Variants in COL14A1 observed in about 807,000 individuals in gnomAD.
COL14A1 encodes collagen alpha-1(XIV) chain.
Under a neutral mutation model 230.3 loss-of-function variants are expected in COL14A1, and 136 were observed. The observed-to-expected ratio is 0.59, with a 90% CI of 0.51 to 0.68. The LOEUF is 0.68. COL14A1 is among the 30% of genes least tolerant of loss of function. COL14A1 has a pLI of 0.00. For synonymous variants in COL14A1, 792 were observed against 784.1 expected (o/e 1.01, Z -0.17); for missense variants, 1,976 against 2,215.8 (o/e 0.89, Z 2.17).
At chr8:120,364,360 T>C (rs1823329804) in intron 45 of COL14A1, among the ~76,000 whole-genome samples, 1 of 152,172 alleles carries the variant, frequency 6.6e-6, no homozygotes, top group Non-Finnish European at 1.5e-5. Flanking sequence ...TATATCCAGA[T>C]CTATTTTTAG....
chr8:120,285,867 G>T lies in COL14A1; in HGVS notation c.3974G>T (p.Gly1325Val). 6.3e-7 allele frequency: 1 copy of T among 1,578,722 alleles called. No individual in the cohort carries two copies. The highest frequency in any genetic ancestry group is 8.6e-7 in the Non-Finnish European group (1 of 1,159,234). ...TTTATTTTTCTTTCAATAGATGGTG[G>T]GAAAACTCTAACATATTTCAACTAT... ...PLVGVILDNG[G>V]KTLTYFNYDQ... Residue 1325 changes from glycine to valine, a missense_variant, in exon 33 of 48, where the codon GGG (glycine) becomes GTG (valine). Transcript: ENST00000297848.
chr8:120,147,720 A>T lies in COL14A1; in HGVS notation c.-37-86A>T, dbSNP rs1269082158. 6.2e-6 allele frequency: 4 copies of T among 644,282 alleles called. No individual in the cohort carries two copies. The African/African-American group carries it at 7.4e-5, about 12-fold the overall frequency. 39.9% of individuals were successfully genotyped at this position (644,282 alleles called of 1,614,324 possible). On this transcript the variant is annotated intron_variant, in intron 1 of 47. Transcript: ENST00000297848. ...AATTACTTCCTGACAATACTAATCC[A>T]TGTTGGCTTATTCGCCTGTCCTAAA...
chr8:120,255,567 A>C (rs1308198006), intron 23 of COL14A1, among the ~76,000 whole-genome samples: 1 of 152,128 alleles, frequency 6.6e-6, no homozygotes, highest in Non-Finnish European at 1.5e-5. Flanking sequence ...TTATCTGGTA[A>C]TGAGTATAGC....
intron 1 of COL14A1, among the ~76,000 whole-genome samples, chr8:120,147,443 A>G (rs938257309): frequency 6.6e-6 from 1 of 152,174 alleles, no homozygotes; most frequent in Admixed American, 6.6e-5. Flanking sequence ...TTATGTGACA[A>G]ATATGGGAGG....
chr8:120,236,133 T>C (rs12547776), intron 19 of COL14A1, among the ~76,000 whole-genome samples: 11,423 of 152,186 alleles, frequency 0.075, 977 homozygotes, highest in East Asian at 0.4. Context: ...TATTAGGTCC[T>C]CTTGGTCCAG....
At chr8:120,347,675 C>G (rs1822570364) in intron 45 of COL14A1, among the ~76,000 whole-genome samples, 2 of 152,326 alleles carry the variant, frequency 1.3e-5, no homozygotes, top group South Asian at 4.1e-4. Flanking sequence ...TTTCTCTTCT[C>G]ATTTTCTATA....
chr8:120,199,609 C>CA, intron 8 of COL14A1, 43 bp downstream of exon 8: 1 of 1,555,146 alleles, frequency 6.4e-7, no homozygotes. Context: ...GGGCATAGAC[C>CA]CACAACCACT....
intron 33 of COL14A1, among the ~76,000 whole-genome samples, chr8:120,286,301 T>G (rs535440319): frequency 2.8e-4 from 42 of 152,268 alleles, no homozygotes; most frequent in Admixed American, 9.8e-4. Context: ...AGATTGCTGG[T>G]CTAGCTGGTA....
intron 2 of COL14A1, among the ~76,000 whole-genome samples, chr8:120,149,413 T>C (rs1815197500): frequency 6.6e-6 from 1 of 152,160 alleles, no homozygotes; most frequent in African/African-American, 2.4e-5. Flanking sequence ...GGTAGACACA[T>C]TCTGCTTATG....
rs574217759 is a variant in COL14A1, at chr8:120,341,391, C to T, written c.4821+31C>T. 440 of 1,612,974 alleles carry T rather than the reference C, an allele frequency of 2.7e-4. 2 individuals carry two copies. The South Asian group carries it at 4.1e-3, about 15-fold the overall frequency. On this transcript the variant is annotated intron_variant, in intron 43 of 47. Transcript: ENST00000297848. ...TATCCTGTGGCTCTGCTTTCTGGCCCCAGCTTGTTGCACCCCTTCCATTGC... is the reference window on the plus strand; with the variant it reads ...TATCCTGTGGCTCTGCTTTCTGGCCTCAGCTTGTTGCACCCCTTCCATTGC...
chr8:120,308,781 C>T (rs1240144237), intron 36 of COL14A1, among the ~76,000 whole-genome samples: 2 of 152,198 alleles, frequency 1.3e-5, no homozygotes, highest in Non-Finnish European at 2.9e-5. Flanking sequence ...TGGAATCACA[C>T]AGGGAGAAAG....
chr8:120,276,423 G>A (rs962832193), intron 26 of COL14A1, among the ~76,000 whole-genome samples: 1 of 149,002 alleles, frequency 6.7e-6, no homozygotes, highest in Non-Finnish European at 1.5e-5. Flanking sequence ...TACACTACTT[G>A]GGTGATGGGT....
chr8:120,207,855 A>T (rs1191119227), intron 10 of COL14A1, among the ~76,000 whole-genome samples: 2 of 152,092 alleles, frequency 1.3e-5, no homozygotes, highest in East Asian at 1.9e-4. Flanking sequence ...AAAAAAAAAA[A>T]AGATCCGAGT....
chr8:120,248,047 T>C (rs1818817669), intron 21 of COL14A1, among the ~76,000 whole-genome samples: 1 of 152,192 alleles, frequency 6.6e-6, no homozygotes, highest in African/African-American at 2.4e-5. Context: ...ATCTTGACTT[T>C]ATAGGAATAG....
At chr8:120,307,960 T>C (rs570332709) in intron 36 of COL14A1, among the ~76,000 whole-genome samples, 54 of 152,370 alleles carry the variant, frequency 3.5e-4, no homozygotes, top group Non-Finnish European at 5.0e-4. Context: ...AGGATGTTAA[T>C]TGAAGCATTT....
chr8:120,350,154 A>G (rs1822695654), intron 45 of COL14A1, among the ~76,000 whole-genome samples: 1 of 152,146 alleles, frequency 6.6e-6, no homozygotes, highest in African/African-American at 2.4e-5. Context: ...TAAGTGAAGG[A>G]GAAAGAAAAT....
chr8:120,173,186 T>C (rs1326394595), intron 5 of COL14A1, among the ~76,000 whole-genome samples: 1 of 152,200 alleles, frequency 6.6e-6, no homozygotes, highest in Non-Finnish European at 1.5e-5. Flanking sequence ...CATATGAGTA[T>C]GGACTGGTGG....
At chr8:120,194,165 C>T (rs537377530) in intron 5 of COL14A1, among the ~76,000 whole-genome samples, 35 of 152,266 alleles carry the variant, frequency 2.3e-4, no homozygotes, top group African/African-American at 6.7e-4. Context: ...AGCTGTCGAC[C>T]GGAGCCATTC....
intron 18 of COL14A1, 117 bp downstream of exon 18, chr8:120,228,886 C>T: frequency 1.2e-6 from 1 of 848,002 alleles, no homozygotes; most frequent in East Asian, 2.7e-5. Flanking sequence ...CCTTCCTTTT[C>T]TGGCACACTG....
Sources: gnomAD v4.1 joint callset for allele counts (sites outside exome capture counted in the v4.1 genomes callset) on GRCh38, gnomAD v4.1.1 for gene constraint, MANE v1.5 for transcripts, NCBI Gene and HGNC (gene_info 2026-07-23, HGNC 2026-07-21) for gene names.